Variants in PPARGC1A observed in about 807,000 individuals in gnomAD.
PPARGC1A encodes PPARG coactivator 1 alpha, also known as peroxisome proliferator-activated receptor gamma coactivator 1-alpha.
PPARGC1A carries 25 observed loss-of-function variants against 88.7 expected under a neutral mutation model. The observed-to-expected ratio is 0.28, with a 90% CI of 0.21 to 0.39. The LOEUF is 0.39. Among genes scored for constraint, PPARGC1A ranks in the 10% least tolerant of loss-of-function variants. The pLI, the probability that PPARGC1A is intolerant of heterozygous loss-of-function variation, is 1.00. For synonymous variants in PPARGC1A, 363 were observed against 355.6 expected, an observed-to-expected ratio of 1.02 and a Z score of -0.24; for missense variants, 880 against 968.7, an observed-to-expected ratio of 0.91 and a Z score of 1.22.
chr4:23,793,293 T>C lies in PPARGC1A; in HGVS notation c.*2529A>G, dbSNP rs917582602. 2.6e-5 allele frequency: 4 copies of C among 152,664 alleles called. No individual in the cohort carries two copies. Among genetic ancestry groups the C allele is most frequent in the Non-Finnish European group, 5.9e-5 (4 of 68,002 alleles). 9.5% of individuals were successfully genotyped at this position (152,664 alleles called of 1,614,324 possible). ...CATTTAACCTACAGAACAACAAGAATTAGGCGGATTAAAGATGTGTTACTG... is the reference window on the plus strand; with the variant it reads ...CATTTAACCTACAGAACAACAAGAACTAGGCGGATTAAAGATGTGTTACTG... On this transcript the variant is annotated 3_prime_UTR_variant, in exon 13 of 13. Transcript: ENST00000264867.
chr4:24,014,021 C>T, the PPARGC1A span, among the ~76,000 whole-genome samples: 14 of 152,282 alleles, frequency 9.2e-5, no homozygotes, highest in South Asian at 6.2e-4. Flanking sequence ...CCTTCTTCCT[C>T]GTGCAATGCT....
chr4:24,401,805 G>A, the PPARGC1A span, among the ~76,000 whole-genome samples: 1 of 152,220 alleles, frequency 6.6e-6, no homozygotes, highest in African/African-American at 2.4e-5. Flanking sequence ...AGGCTGATGA[G>A]AGGTGAGTGG....
the PPARGC1A span, among the ~76,000 whole-genome samples, chr4:24,151,837 A>G: frequency 2.0e-5 from 3 of 152,310 alleles, no homozygotes; most frequent in African/African-American, 7.2e-5. Flanking sequence ...ATGCCTCTAA[A>G]ACAGCACCCA....
the PPARGC1A span, among the ~76,000 whole-genome samples, chr4:24,438,816 T>C: frequency 3.5e-4 from 53 of 151,888 alleles, no homozygotes; most frequent in African/African-American, 1.3e-3. Context: ...ATACAAAAGG[T>C]TGAAATTCAT....
chr4:23,805,565 G>A (rs1352883067), intron 10 of PPARGC1A, among the ~76,000 whole-genome samples: 1 of 152,152 alleles, frequency 6.6e-6, no homozygotes, highest in Non-Finnish European at 1.5e-5. Flanking sequence ...TCAGAAAGTA[G>A]AAATGGATGA....
the PPARGC1A span, among the ~76,000 whole-genome samples, chr4:24,234,239 C>T: frequency 6.6e-6 from 1 of 152,196 alleles, no homozygotes; most frequent in Non-Finnish European, 1.5e-5. Context: ...TGGTAACTGA[C>T]AGCCAGCGAG....
the PPARGC1A span, among the ~76,000 whole-genome samples, chr4:24,067,494 C>T: frequency 6.6e-6 from 1 of 152,094 alleles, no homozygotes; most frequent in Admixed American, 6.5e-5. Flanking sequence ...CGCGTATGCT[C>T]AAAAGGACAA....
At chr4:24,098,773 T>C in the PPARGC1A span, among the ~76,000 whole-genome samples, 3 of 152,212 alleles carry the variant, frequency 2.0e-5, no homozygotes, top group Non-Finnish European at 4.4e-5. Context: ...CATTTATTAA[T>C]GGAAATCAGA....
the PPARGC1A span, among the ~76,000 whole-genome samples, chr4:24,439,117 A>G: frequency 6.6e-6 from 1 of 152,060 alleles, no homozygotes; most frequent in Non-Finnish European, 1.5e-5. Flanking sequence ...AACGTTCTGC[A>G]GTTTGGAAAG....
chr4:24,080,260 TA>T, the PPARGC1A span, among the ~76,000 whole-genome samples: 3 of 152,090 alleles, frequency 2.0e-5, no homozygotes, highest in Non-Finnish European at 4.4e-5. Context: ...ACAGAGTCTA[TA>T]TAATTACTCA....
At chr4:24,021,250 C>T in the PPARGC1A span, among the ~76,000 whole-genome samples, 16 of 152,208 alleles carry the variant, frequency 1.1e-4, no homozygotes, top group Non-Finnish European at 1.9e-4. Flanking sequence ...AGTCTCCTCA[C>T]CCAGGAACAT....
the PPARGC1A span, among the ~76,000 whole-genome samples, chr4:24,210,340 T>A: frequency 6.6e-6 from 1 of 152,240 alleles, no homozygotes; most frequent in Admixed American, 6.5e-5. Context: ...TTCCTGATAA[T>A]CACTTCTTTG....
the PPARGC1A span, among the ~76,000 whole-genome samples, chr4:24,011,390 C>A: frequency 4.6e-5 from 7 of 152,124 alleles, no homozygotes; most frequent in South Asian, 1.5e-3. Context: ...CACACTCACA[C>A]CCATGCATGC....
chr4:23,879,414 T>G (rs963102796), intron 2 of PPARGC1A, among the ~76,000 whole-genome samples: 2 of 152,192 alleles, frequency 1.3e-5, no homozygotes, highest in South Asian at 4.1e-4. Context: ...AGGGCCCCTT[T>G]GTAAAATGAC....
the PPARGC1A span, among the ~76,000 whole-genome samples, chr4:24,454,571 AC>A: frequency 2.8e-5 from 3 of 109,084 alleles, no homozygotes; most frequent in Non-Finnish European, 5.7e-5. Context: ...CCTTGTTTCT[AC>A]AAAAAAAATT....
At chr4:24,374,563 T>TAA in the PPARGC1A span, among the ~76,000 whole-genome samples, 3,118 of 146,638 alleles carry the variant, frequency 0.021, 100 homozygotes, top group African/African-American at 0.072. Context: ...AAATAAATGT[T>TAA]AAAAAAAAAA....
the PPARGC1A span, among the ~76,000 whole-genome samples, chr4:23,959,835 A>C: frequency 6.6e-6 from 1 of 152,068 alleles, no homozygotes. Flanking sequence ...AAATATTTGG[A>C]TGCACAAGTC....
At chr4:24,337,812 G>C in the PPARGC1A span, among the ~76,000 whole-genome samples, 1 of 151,948 alleles carries the variant, frequency 6.6e-6, no homozygotes, top group Non-Finnish European at 1.5e-5. Context: ...ACTCATCAAG[G>C]GTCTACCAAA....
At chr4:24,303,259 T>TA in the PPARGC1A span, among the ~76,000 whole-genome samples, 13 of 151,834 alleles carry the variant, frequency 8.6e-5, no homozygotes, top group Middle Eastern at 3.4e-3. Context: ...AGTTGCAAAG[T>TA]AAAAAAAATA....
Sources: allele counts gnomAD v4.1 joint callset (sites outside exome capture counted in the v4.1 genomes callset), GRCh38; gene constraint gnomAD v4.1.1; transcripts MANE v1.5; gene names NCBI Gene and HGNC (gene_info 2026-07-23, HGNC 2026-07-21).